The following SYNE2 variants were observed in gnomAD, a reference collection of about 807,000 sequenced individuals.
SYNE2 encodes the protein spectrin repeat containing nuclear envelope protein 2.
In SYNE2, 431 loss-of-function variants were observed where a neutral mutation model predicts 856.3. The ratio of observed to expected loss-of-function variants is 0.50; its 90% CI spans 0.47 to 0.55. The LOEUF is 0.55. Ranked by LOEUF, SYNE2 falls within the 20% of genes least tolerant of loss-of-function variation. SYNE2 has a pLI of 0.00. For missense variants in SYNE2, 8,129 were observed against 8,023.2 expected, an observed-to-expected ratio of 1.01 and a Z score of -0.50; for synonymous variants, 2,923 against 2,872.3, an observed-to-expected ratio of 1.02 and a Z score of -0.56.
intron 1 of SYNE2, among the ~76,000 whole-genome samples, chr14:63,901,083 A>G (rs1466710850): frequency 6.6e-6 from 1 of 152,236 alleles, no homozygotes; most frequent in Non-Finnish European, 1.5e-5. Flanking sequence ...AAGATAGGAC[A>G]GATGCTTCTT....
At chr14:63,944,615 C>G (rs1457480902) in intron 6 of SYNE2, among the ~76,000 whole-genome samples, 2 of 147,696 alleles carry the variant, frequency 1.4e-5, no homozygotes, top group Non-Finnish European at 3.0e-5. Context: ...CCTCCACCTC[C>G]TGGGTGCAAC....
At chr14:64,013,213 G>A (rs551251364) in intron 32 of SYNE2, among the ~76,000 whole-genome samples, 1 of 151,966 alleles carries the variant, frequency 6.6e-6, no homozygotes, top group African/African-American at 2.4e-5. Flanking sequence ...AAAGTTCTTT[G>A]CAGGCAAAAA....
chr14:64,087,865 G>A lies in SYNE2; in HGVS notation c.11670+9G>A, dbSNP rs780011944. ...TTCAGCGAATGGCTGATGTAAGTTT[G>A]CACCATTCATTTAATCATTCAGGAT... On this transcript the variant is annotated intron_variant, in intron 58 of 115. Coordinates refer to ENST00000555002, the MANE Select transcript of SYNE2 (RefSeq NM_182914.3). 5 of 1,613,324 alleles carry A rather than the reference G, an allele frequency of 3.1e-6. No individual in the cohort carries two copies. Among genetic ancestry groups the A allele is most frequent in the Non-Finnish European group, 4.2e-6 (5 of 1,179,516 alleles).
intron 85 of SYNE2, among the ~76,000 whole-genome samples, chr14:64,154,034 A>G (rs2098266593): frequency 6.6e-6 from 1 of 152,178 alleles, no homozygotes. Flanking sequence ...AAAATAGATC[A>G]AAGACATAAA....
intron 46 of SYNE2, 50 bp downstream of exon 46, chr14:64,048,205 G>A: frequency 1.3e-6 from 2 of 1,583,992 alleles, no homozygotes; most frequent in Middle Eastern, 2.1e-4. Context: ...TTTATCCAGT[G>A]CAATACAATA....
intron 45 of SYNE2, among the ~76,000 whole-genome samples, chr14:64,038,736 A>G (rs1345333579): frequency 6.6e-6 from 1 of 152,260 alleles, no homozygotes; most frequent in African/African-American, 2.4e-5. Context: ...GCAGGCATTC[A>G]GCAGGCTGAG....
chr14:64,132,020 G>A (rs1468291150), intron 76 of SYNE2, among the ~76,000 whole-genome samples: 3 of 151,632 alleles, frequency 2.0e-5, no homozygotes, highest in East Asian at 1.9e-4. Flanking sequence ...TGCAACCTCC[G>A]CCTCCCGGGT....
intron 90 of SYNE2, chr14:64,166,700 C>CT (rs2098381485): frequency 5.3e-6 from 1 of 187,856 alleles, no homozygotes. Context: ...AATCCCAGCA[C>CT]TTTGGGAGGC....
In SYNE2 at chr14:63,997,301, G is replaced by A; in HGVS notation, c.3153G>A (p.Glu1051=). 6.2e-7 allele frequency: 1 copy of A among 1,612,810 alleles called. No individual in the cohort carries two copies. The highest frequency in any genetic ancestry group is 8.5e-7 in the Non-Finnish European group (1 of 1,179,454). Residue 1051 remains glutamate, a splice_region_variant and synonymous_variant, in exon 25 of 116, where the codon GAG becomes GAA. Transcript: ENST00000555002. The stretch of plus-strand genomic sequence containing the variant: ...ACATGCAATTTTGATTCCTTTCTAG[G>A]GGGACCATCACCACATCTGAGAATA... ...QPTAGGTSKN[E]GTITTSENRG...
chr14:63,978,073 T>G (rs1285978318), intron 13 of SYNE2, 56 bp downstream of exon 13: 1 of 1,129,980 alleles, frequency 8.8e-7, no homozygotes, highest in Non-Finnish European at 1.4e-6. Flanking sequence ...GAGTAACAAC[T>G]GATACTACAG....
At chr14:63,884,041 A>G (rs1052987491) in intron 1 of SYNE2, among the ~76,000 whole-genome samples, 1 of 152,110 alleles carries the variant, frequency 6.6e-6, no homozygotes, top group Non-Finnish European at 1.5e-5. Context: ...CCAGGAGATG[A>G]AGGAAAGCCG....
At chr14:64,047,493 A>G (rs916014884) in intron 45 of SYNE2, among the ~76,000 whole-genome samples, 3 of 152,214 alleles carry the variant, frequency 2.0e-5, no homozygotes, top group African/African-American at 7.2e-5. Context: ...CTTGGCTTTC[A>G]GGCTTTAAAC....
intron 31 of SYNE2, 80 bp downstream of exon 31, chr14:64,007,302 A>G: frequency 7.4e-7 from 1 of 1,354,002 alleles, no homozygotes; most frequent in South Asian, 1.2e-5. Flanking sequence ...CTGGGTTGAA[A>G]ACACATCTCC....
chr14:63,810,513 G>A (rs900721804), intron 1 of SYNE2, among the ~76,000 whole-genome samples: 9 of 151,998 alleles, frequency 5.9e-5, no homozygotes, highest in Non-Finnish European at 1.2e-4. Context: ...TGAAAACTTG[G>A]GATCATACCA....
intron 61 of SYNE2, among the ~76,000 whole-genome samples, chr14:64,097,619 C>CT (rs1372672186): frequency 6.6e-6 from 1 of 152,252 alleles, no homozygotes; most frequent in African/African-American, 2.4e-5. Context: ...TAGCTGGCCA[C>CT]TAGAGCGGTA....
intron 30 of SYNE2, among the ~76,000 whole-genome samples, chr14:64,004,001 C>G (rs1349400354): frequency 6.6e-6 from 1 of 151,884 alleles, no homozygotes; most frequent in African/African-American, 2.4e-5. Context: ...CCCCTCACCT[C>G]CCCTCCCTTC....
At chr14:64,220,368 T>C in intron 110 of SYNE2, 69 bp from the exon 111 acceptor site, 1 of 1,556,888 alleles carries the variant, frequency 6.4e-7, no homozygotes, top group Non-Finnish European at 8.9e-7. Flanking sequence ...TGTTCCCTAC[T>C]GAGGTTCAAA....
At chr14:63,983,403 G>A (rs540012808) in intron 17 of SYNE2, among the ~76,000 whole-genome samples, 1 of 152,008 alleles carries the variant, frequency 6.6e-6, no homozygotes, top group Admixed American at 6.6e-5. Context: ...TTACTGTAGA[G>A]CTTTCTAGTT....
At chr14:63,965,458 T>C (rs2096378312) in intron 10 of SYNE2, among the ~76,000 whole-genome samples, 1 of 152,224 alleles carries the variant, frequency 6.6e-6, no homozygotes, top group African/African-American at 2.4e-5. Context: ...GTTTTTACGT[T>C]GTGATGCTTC....
Sources: allele counts gnomAD v4.1 joint callset (sites outside exome capture counted in the v4.1 genomes callset), GRCh38; gene constraint gnomAD v4.1.1; transcripts MANE v1.5; gene names NCBI Gene and HGNC (gene_info 2026-07-23, HGNC 2026-07-21).